The following DNER variants were observed in gnomAD, a reference collection of about 807,000 sequenced individuals.
The protein encoded by DNER is delta and Notch-like epidermal growth factor-related receptor.
A neutral mutation model predicts 78.2 loss-of-function variants in DNER; 33 were observed. That is an observed-to-expected ratio of 0.42 (90% CI 0.32 to 0.56). The LOEUF (loss-of-function observed/expected upper bound fraction) is 0.56. Among genes scored for constraint, DNER ranks in the 20% least tolerant of loss-of-function variants. DNER has a pLI of 0.11. For missense variants in DNER, 918 were observed against 975.3 expected, an observed-to-expected ratio of 0.94 and a Z score of 0.78; for synonymous variants, 417 against 384.8, an observed-to-expected ratio of 1.08 and a Z score of -0.98.
At chr2:229,696,704 A>G (rs1007926598) in intron 1 of DNER, among the ~76,000 whole-genome samples, 16 of 152,208 alleles carry the variant, frequency 1.1e-4, no homozygotes, top group African/African-American at 3.9e-4. Flanking sequence ...GGAGGGAGGT[A>G]CAGGAGGCTG....
intron 7 of DNER, among the ~76,000 whole-genome samples, chr2:229,475,885 T>C (rs1388931221): frequency 6.6e-6 from 1 of 152,136 alleles, no homozygotes; most frequent in Non-Finnish European, 1.5e-5. Flanking sequence ...CGACAAGGCC[T>C]TCAATCAGAG....
intron 10 of DNER, among the ~76,000 whole-genome samples, chr2:229,401,767 A>G (rs1693272472): frequency 1.3e-5 from 2 of 152,170 alleles, no homozygotes; most frequent in South Asian, 2.1e-4. Context: ...TGAAGCTTAC[A>G]TTGGATCTCT....
chr2:229,513,497 G>A (rs527655056), intron 5 of DNER, among the ~76,000 whole-genome samples: 6 of 152,270 alleles, frequency 3.9e-5, no homozygotes, highest in East Asian at 1.9e-4. Flanking sequence ...ATTTTGTATC[G>A]CTTATGATAT....
chr2:229,677,396 T>C (rs1199547919), intron 1 of DNER, among the ~76,000 whole-genome samples: 1 of 152,182 alleles, frequency 6.6e-6, no homozygotes, highest in African/African-American at 2.4e-5. Flanking sequence ...ATTCAAGCTC[T>C]CCCATCATCA....
At chr2:229,457,775 G>GTAA in intron 7 of DNER, among the ~76,000 whole-genome samples, 1 of 100,430 alleles carries the variant, frequency 1.0e-5, no homozygotes, top group Non-Finnish European at 2.1e-5. Flanking sequence ...GACTTTATTT[G>GTAA]GAAAAAAAAA....
At chr2:229,627,063 A>T (rs923617488) in intron 1 of DNER, among the ~76,000 whole-genome samples, 1 of 152,344 alleles carries the variant, frequency 6.6e-6, no homozygotes, top group African/African-American at 2.4e-5. Flanking sequence ...CATGGTCCCA[A>T]TGAATTTATC....
At position 229,484,803 on chromosome 2, in the gene DNER, C is replaced by A. The variant is rs1188927967; in HGVS notation, c.1148-7550G>T. On this transcript the variant is annotated intron_variant, in intron 6 of 12. Coordinates refer to ENST00000341772, the MANE Select transcript of DNER (RefSeq NM_139072.4). ...AAGGTTGAGAAGCCCTGGTTTAGGT[C>A]AATGGAACCTTAGTCCTTCAGACTA... Among the ~76,000 whole-genome samples, 3 of 152,154 alleles carry A rather than the reference C, an allele frequency of 2.0e-5. No homozygotes were observed. The East Asian group carries it at 5.8e-4, about 29-fold the overall frequency.
At chr2:229,492,669 C>G (rs1301848701) in intron 6 of DNER, among the ~76,000 whole-genome samples, 1 of 151,436 alleles carries the variant, frequency 6.6e-6, no homozygotes, top group Non-Finnish European at 1.5e-5. Context: ...TCATTTTTTA[C>G]TTATTTATTT....
At chr2:229,651,576 C>T (rs1403965184) in intron 1 of DNER, among the ~76,000 whole-genome samples, 1 of 152,236 alleles carries the variant, frequency 6.6e-6, no homozygotes, top group African/African-American at 2.4e-5. Flanking sequence ...AGGTCTCTAT[C>T]CATTCTCAAG....
At chr2:229,652,276 C>T (rs978585713) in intron 1 of DNER, among the ~76,000 whole-genome samples, 8 of 152,298 alleles carry the variant, frequency 5.3e-5, no homozygotes, top group Non-Finnish European at 1.0e-4. Flanking sequence ...CTCAACTCTC[C>T]GAGACCTCAT....
chr2:229,360,488 C>T (rs560449411), intron 12 of DNER, among the ~76,000 whole-genome samples: 99 of 152,202 alleles, frequency 6.5e-4, no homozygotes, highest in Non-Finnish European at 1.3e-3. Context: ...TCGGCTCACG[C>T]GGCAAGCTCC....
Position 229,591,428 on chromosome 2 carries a change from C to G in DNER, c.585+152G>C, listed in dbSNP as rs900881300. 3.1e-6 allele frequency: 3 copies of G among 970,066 alleles called. No individual in the cohort carries two copies. Among genetic ancestry groups the G allele is most frequent in the Non-Finnish European group, 4.4e-6 (3 of 675,514 alleles). 60.1% of individuals were successfully genotyped at this position (970,066 alleles called of 1,614,324 possible). ...TATACTTATAAAACCATCGTACACA[C>G]AAATGCAGACAGGAATAAGTTTAGG... On this transcript the variant is annotated intron_variant, in intron 2 of 12. Transcript: ENST00000341772. The surrounding 1 kb of genome is among the most constrained non-coding windows in gnomAD (Gnocchi z 4.6).
chr2:229,693,658 C>T (rs1296218797), intron 1 of DNER, among the ~76,000 whole-genome samples: 1 of 152,174 alleles, frequency 6.6e-6, no homozygotes, highest in East Asian at 1.9e-4. Context: ...TGCAAAGAGA[C>T]TGGCAGCATT....
chr2:229,447,175 G>A, intron 8 of DNER, 141 bp downstream of exon 8: 1 of 787,084 alleles, frequency 1.3e-6, no homozygotes, highest in Non-Finnish European at 2.0e-6. Context: ...ATATCAGTAA[G>A]TATACTTACT....
At chr2:229,566,756 G>T (rs1310303946) in intron 4 of DNER, among the ~76,000 whole-genome samples, 1 of 152,130 alleles carries the variant, frequency 6.6e-6, no homozygotes. Flanking sequence ...TGTAACTTAG[G>T]CTCCAAGACA....
intron 11 of DNER, among the ~76,000 whole-genome samples, chr2:229,383,061 C>T (rs6706971): frequency 0.058 from 8,862 of 152,276 alleles, 309 homozygotes; most frequent in Middle Eastern, 0.085. Flanking sequence ...AACGGCAGAT[C>T]TCTCTGCAGA....
intron 8 of DNER, among the ~76,000 whole-genome samples, chr2:229,421,418 T>C (rs980926682): frequency 2.0e-5 from 3 of 151,346 alleles, no homozygotes; most frequent in Non-Finnish European, 4.4e-5. Flanking sequence ...GTACATTTAA[T>C]GCTGTGTTTT....
chr2:229,657,630 C>T (rs1268814609), intron 1 of DNER, among the ~76,000 whole-genome samples: 1 of 152,170 alleles, frequency 6.6e-6, no homozygotes, highest in Admixed American at 6.5e-5. Flanking sequence ...CAAATGTTTG[C>T]TTAGTGCCAT....
intron 1 of DNER, among the ~76,000 whole-genome samples, chr2:229,674,625 A>T (rs761232422): frequency 6.6e-6 from 1 of 151,698 alleles, no homozygotes; most frequent in Non-Finnish European, 1.5e-5. Context: ...CCACCTTCAC[A>T]CTCTGCTTTT....
Sources: allele counts gnomAD v4.1 joint callset (sites outside exome capture counted in the v4.1 genomes callset), GRCh38; gene constraint gnomAD v4.1.1; non-coding constraint Gnocchi (gnomAD v3.1); transcripts MANE v1.5; gene names NCBI Gene and HGNC (gene_info 2026-07-23, HGNC 2026-07-21).